NRG2: variants seen among roughly 807,000 people sequenced by gnomAD.
The protein encoded by NRG2 is neuregulin 2.
Under a neutral mutation model 73.9 loss-of-function variants are expected in NRG2, and 27 were observed. The ratio of observed to expected loss-of-function variants is 0.37; its 90% CI spans 0.27 to 0.50. NRG2 has a LOEUF of 0.50. NRG2 is among the 20% of genes least tolerant of loss of function. NRG2 has a pLI of 0.96. For synonymous variants in NRG2, 532 were observed against 541.0 expected (o/e 0.98, Z 0.23); for missense variants, 1,126 against 1,210.1 (o/e 0.93, Z 1.03).
At position 139,958,781 on chromosome 5, in the gene NRG2, G is replaced by A. The variant is rs142237244; in HGVS notation, c.701-71270C>T. Among the ~76,000 whole-genome samples the A allele has an allele frequency of 7.5e-3, 1,144 of 152,246 alleles. 7 individuals carry two copies. The highest frequency in any genetic ancestry group is 0.012 in the Non-Finnish European group (811 of 68,022). On this transcript the variant is annotated intron_variant, in intron 1 of 9. Transcript: ENST00000361474. ...CCTGCCACCCCTGTCCACCACTCAC[G>A]TCTGTGATTCACCCAGGCATCTCTC...
rs1310197375 is a variant in NRG2, at chr5:139,848,201, G to A, written c.2269C>T (p.Arg757Trp). 4.6e-6 allele frequency: 6 copies of A among 1,312,360 alleles called. No individual in the cohort carries two copies. In the East Asian group the frequency reaches 9.9e-5, roughly 22 times the overall value. The allele number at this position is 1,312,360 out of a possible 1,614,324, so 81.3% of individuals were successfully genotyped here. ...RLNGLAAQRA[R>W]AARDSLSLSS... ...AGCGACAGCGAGTCCCTCGCCGCCC[G>A]TGCGCGCTGCGCCGCCAGCCCGTTG... Residue 757 changes from arginine (R) to tryptophan (W), a missense_variant, in exon 10 of 10, where the codon CGG becomes TGG. Physicochemically the swap from Arg to Trp is moderately radical, Grantham distance 101 (BLOSUM62 -3). Transcript: ENST00000361474.
In NRG2 at chr5:139,871,776, A is replaced by T. The variant is rs764976214; in HGVS notation, c.1057T>A (p.Cys353Ser). ...TAGTAGCAGACGCCTCCATTGACGC[A>T]ATAGGACTTGGCTGTCTCGTTGCAC... Reference protein sequence around the residue: ...RKCNETAKSYCVNGGVCYYIE... With the variant: ...RKCNETAKSYSVNGGVCYYIE... The change falls in exon 4 of 10, where the codon TGC (cysteine) becomes AGC (serine). Residue 353 changes from cysteine (C) to serine (S), a missense_variant. Around this residue, in one of 3 missense-constraint regions of NRG2, gnomAD observed 539 missense variants for 703.2 expected, o/e 0.77. Coordinates refer to ENST00000361474, the MANE Select transcript of NRG2 (RefSeq NM_004883.3). The T allele has an allele frequency of 6.2e-7, 1 of 1,614,146 alleles. No homozygotes were observed.
chr5:139,926,623 C>T (rs1225385960), intron 1 of NRG2, among the ~76,000 whole-genome samples: 3 of 152,156 alleles, frequency 2.0e-5, no homozygotes, highest in African/African-American at 7.2e-5. Flanking sequence ...AAACAGTCTA[C>T]CTCTGCTTTT....
chr5:140,006,072 A>G (rs945155390), intron 1 of NRG2, among the ~76,000 whole-genome samples: 1 of 152,186 alleles, frequency 6.6e-6, no homozygotes, highest in African/African-American at 2.4e-5. Context: ...TCCTGGGGCA[A>G]AAGAAAGCAT....
intron 1 of NRG2, among the ~76,000 whole-genome samples, chr5:139,964,677 C>T (rs1035988031): frequency 2.0e-5 from 3 of 152,152 alleles, no homozygotes; most frequent in East Asian, 1.9e-4. Context: ...TAGACTCCTC[C>T]GTCAGAGAGG....
At chr5:139,934,415 G>T (rs977742205) in intron 1 of NRG2, among the ~76,000 whole-genome samples, 1 of 152,112 alleles carries the variant, frequency 6.6e-6, no homozygotes, top group African/African-American at 2.4e-5. Flanking sequence ...ACATAAAATG[G>T]TACCATGTTA....
At chr5:139,948,570 A>G (rs549759815) in intron 1 of NRG2, among the ~76,000 whole-genome samples, 1 of 152,308 alleles carries the variant, frequency 6.6e-6, no homozygotes, top group Admixed American at 6.5e-5. Context: ...AACAGCTCCC[A>G]TTTACTGAGC....
At chr5:139,968,591 G>A (rs1254185074) in intron 1 of NRG2, among the ~76,000 whole-genome samples, 1 of 152,220 alleles carries the variant, frequency 6.6e-6, no homozygotes, top group Non-Finnish European at 1.5e-5. Flanking sequence ...AGGAGGGCTG[G>A]GAAGGGCAGA....
chr5:140,007,451 A>T (rs1758999436), intron 1 of NRG2, among the ~76,000 whole-genome samples: 1 of 152,026 alleles, frequency 6.6e-6, no homozygotes, highest in African/African-American at 2.4e-5. Context: ...CACAAGCAGA[A>T]CACAGCTTAG....
At chr5:139,979,859 A>G (rs1221924417) in intron 1 of NRG2, among the ~76,000 whole-genome samples, 1 of 152,222 alleles carries the variant, frequency 6.6e-6, no homozygotes, top group East Asian at 1.9e-4. Flanking sequence ...CATTCCTGAT[A>G]CACAGAAACT....
rs1417777113 is a variant in NRG2 at position 139,870,073 on chromosome 5, TGCAGGAGACAAGGAAATGGGGATGCA to T, written c.1112+1622_1112+1647del. 6.6e-6 allele frequency among the ~76,000 whole-genome samples: 1 copy of T among 151,812 alleles called. No individual in the cohort carries two copies. Among genetic ancestry groups the T allele is most frequent in the African/African-American group, 2.4e-5 (1 of 41,280 alleles). On this transcript the variant is annotated intron_variant, in intron 4 of 9. Coordinates refer to ENST00000361474, the MANE Select transcript of NRG2 (RefSeq NM_004883.3). This position sits in a 1 kb window ranked among gnomAD's most constrained non-coding sequence, Gnocchi z 4.4. ...GTGTATGTCACAGGGAGGAGGAGGG[TGCAGGAGACAAGGAAATGGGGATGCA>T]GGGCTGGGTCATCCCTGTGAGGTAT...
chr5:140,002,383 G>C (rs188478310), intron 1 of NRG2, among the ~76,000 whole-genome samples: 1 of 152,222 alleles, frequency 6.6e-6, no homozygotes, highest in Non-Finnish European at 1.5e-5. Flanking sequence ...AGGGTTATGG[G>C]GTTGCAATTT....
chr5:139,896,340 A>G (rs1010783220), intron 1 of NRG2, among the ~76,000 whole-genome samples: 7 of 152,212 alleles, frequency 4.6e-5, no homozygotes, highest in African/African-American at 1.4e-4. Flanking sequence ...AGGTCTTAGC[A>G]GGCCTGATGC....
intron 1 of NRG2, among the ~76,000 whole-genome samples, chr5:139,996,254 AC>A (rs1256231258): frequency 6.6e-6 from 1 of 152,210 alleles, no homozygotes; most frequent in African/African-American, 2.4e-5. Flanking sequence ...TTTTCAATGA[AC>A]AACCTATTGT....
chr5:140,013,544 T>C (rs753563794), intron 1 of NRG2, among the ~76,000 whole-genome samples: 11 of 152,212 alleles, frequency 7.2e-5, no homozygotes, highest in Non-Finnish European at 1.0e-4. Flanking sequence ...ATGTGTATTT[T>C]ACCACAGTAA....
chr5:139,874,584 C>T (rs1268244685), intron 3 of NRG2, among the ~76,000 whole-genome samples: 2 of 152,206 alleles, frequency 1.3e-5, no homozygotes, highest in African/African-American at 4.8e-5. Flanking sequence ...GCCACAATAG[C>T]TTCCTCTCTG....
rs571220516 is a variant in NRG2 at position 139,878,829 on chromosome 5, A to G, written c.991+2027T>C. ...GGATGAGAGAAGTAGGAGCTCAGAC[A>G]CCCTCCCTGCTGTCATGCCCAGGCT... On this transcript the variant is annotated intron_variant, in intron 3 of 9. Coordinates refer to ENST00000361474, the MANE Select transcript of NRG2 (RefSeq NM_004883.3). Among the ~76,000 whole-genome samples, 5 of 152,140 alleles carry G rather than the reference A, an allele frequency of 3.3e-5. No homozygotes were observed. In the East Asian group the frequency reaches 9.7e-4, roughly 29 times the overall value.
In NRG2 at chr5:140,037,497, G is replaced by C. The variant is rs544776732; in HGVS notation, c.700+4873C>G. 2.0e-4 allele frequency among the ~76,000 whole-genome samples: 31 copies of C among 152,352 alleles called. 3 individuals are homozygous for C. The East Asian group carries it at 3.3e-3, about 16-fold the overall frequency. ...TGAGATAGAGGACTCAGAGATCACT[G>C]GAACTAGGTAGATAAGATCTTGGGC... On this transcript the variant is annotated intron_variant, in intron 1 of 9. Transcript: ENST00000361474.
intron 1 of NRG2, among the ~76,000 whole-genome samples, chr5:139,996,405 A>G (rs954936568): frequency 2.0e-5 from 3 of 152,222 alleles, no homozygotes; most frequent in South Asian, 2.1e-4. Flanking sequence ...GTTGTTTCCA[A>G]TCTTTGGCTA....
Sources: gnomAD v4.1 joint callset for allele counts (sites outside exome capture counted in the v4.1 genomes callset) on GRCh38, gnomAD v4.1.1 for gene constraint, gnomAD v4.1.1 regional missense constraint, Gnocchi (gnomAD v3.1) non-coding constraint, MANE v1.5 for transcripts, NCBI Gene and HGNC (gene_info 2026-07-23, HGNC 2026-07-21) for gene names.